CDK11A: variants seen among roughly 807,000 people sequenced by gnomAD.
CDK11A encodes the protein cyclin-dependent kinase 11A.
In CDK11A, 55 loss-of-function variants were observed where a neutral mutation model predicts 83.6. That is an observed-to-expected ratio of 0.66 (90% confidence interval 0.53 to 0.82). The LOEUF (loss-of-function observed/expected upper bound fraction) is 0.82, where lower values mean the gene tolerates loss of function less well. Among genes scored for constraint, CDK11A ranks in the 40% least tolerant of loss-of-function variants. The pLI is 0.00. For missense variants in CDK11A, 564 were observed against 810.1 expected (o/e 0.70, Z 3.69); for synonymous variants, 247 against 302.7 (o/e 0.82, Z 1.91).
chr1:1,716,305 C>T (rs756915742), intron 5 of CDK11A, 41 bp downstream of exon 5: 24 of 1,595,992 alleles, frequency 1.5e-5, no homozygotes, highest in South Asian at 8.9e-5. Context: ...CACACTACCA[C>T]GGCCCTTTCA....
rs577827165 is a variant in CDK11A, at chr1:1,719,261, A to G, written c.355+67T>C. ...TTTTCAGTGGTGCTCTGGGGAAGGCAGAAGAGTAGGAACAGGAAAGAAACC... is the reference window on the plus strand; with the variant it reads ...TTTTCAGTGGTGCTCTGGGGAAGGCGGAAGAGTAGGAACAGGAAAGAAACC... On this transcript the variant is annotated intron_variant, in intron 4 of 19. Transcript: ENST00000404249. The G allele has an allele frequency of 8.1e-6, 11 of 1,350,546 alleles. No individual in the cohort carries two copies. The African/African-American group carries it at 1.5e-4, about 18-fold the overall frequency. The allele number at this position is 1,350,546 out of a possible 1,614,324, so 83.7% of individuals were successfully genotyped here.
At chr1:1,718,146 TAG>T (rs1644749803) in intron 4 of CDK11A, among the ~76,000 whole-genome samples, 1 of 148,130 alleles carries the variant, frequency 6.8e-6, no homozygotes, top group Non-Finnish European at 1.5e-5. Context: ...TGCTTTCAGC[TAG>T]AGTTTGCTCT....
At chr1:1,721,739 T>G (rs750018859) in intron 2 of CDK11A, 28 bp from the exon 3 acceptor site, 1 of 1,526,426 alleles carries the variant, frequency 6.6e-7, no homozygotes, top group African/African-American at 1.4e-5. Flanking sequence ...AGTTAATCAT[T>G]TTCTTTATAA....
intron 11 of CDK11A, among the ~76,000 whole-genome samples, chr1:1,706,292 C>G (rs999785567): frequency 2.0e-5 from 3 of 151,126 alleles, no homozygotes; most frequent in African/African-American, 7.3e-5. Flanking sequence ...AGGCTGGTCT[C>G]GAACTCCTGA....
chr1:1,716,814 C>CAAAAAAA (rs1168780288), intron 4 of CDK11A, among the ~76,000 whole-genome samples: 35 of 76,672 alleles, frequency 4.6e-4, no homozygotes, highest in East Asian at 1.9e-3. Flanking sequence ...GACTCCATCT[C>CAAAAAAA]AAAAAAAAAA....
intron 11 of CDK11A, among the ~76,000 whole-genome samples, chr1:1,705,992 C>T (rs534851688): frequency 6.6e-6 from 1 of 150,570 alleles, no homozygotes; most frequent in African/African-American, 2.4e-5. Context: ...CCTGTAATTC[C>T]AGCACTTTGG....
intron 5 of CDK11A, among the ~76,000 whole-genome samples, chr1:1,713,719 T>C (rs796839656): frequency 1.8e-5 from 1 of 55,206 alleles, no homozygotes; most frequent in African/African-American, 3.6e-5. Flanking sequence ...AGGAGAGATA[T>C]TTACAGGATA....
rs373544201 is a variant in CDK11A, at chr1:1,717,905, A to G, written c.355+1423T>C. On this transcript the variant is annotated intron_variant, in intron 4 of 19. Transcript: ENST00000404249. ...CTAGAGTTTGCTCTCTCTGGTTTTCAGTCTGTGACACATGCATGCTTTCAG... is the reference window on the plus strand; with the variant it reads ...CTAGAGTTTGCTCTCTCTGGTTTTCGGTCTGTGACACATGCATGCTTTCAG... Among the ~76,000 whole-genome samples the G allele has an allele frequency of 2.2e-3, 281 of 127,224 alleles. 6 individuals are homozygous for G. The highest frequency in any genetic ancestry group is 7.3e-3 in the African/African-American group (243 of 33,144). 83.5% of individuals were successfully genotyped at this position (127,224 alleles called of 152,430 possible).
intron 4 of CDK11A, among the ~76,000 whole-genome samples, chr1:1,718,436 T>C (rs1187815079): frequency 2.0e-5 from 3 of 149,244 alleles, no homozygotes; most frequent in Non-Finnish European, 4.5e-5. Context: ...CCATAGCCCT[T>C]CTGAATGGTC....
chr1:1,716,529 C>A (rs1036119348), intron 4 of CDK11A, 51 bp from the exon 5 acceptor site: 3 of 1,577,126 alleles, frequency 1.9e-6, no homozygotes, highest in African/African-American at 1.4e-5. Context: ...AAAAATTTCA[C>A]GAGGCCGGGC....
At chr1:1,716,162 G>C (rs1388662850) in intron 5 of CDK11A, among the ~76,000 whole-genome samples, 184 bp downstream of exon 5, 3 of 149,856 alleles carry the variant, frequency 2.0e-5, no homozygotes, top group African/African-American at 7.3e-5. Flanking sequence ...TCCAGATGCA[G>C]TGAAAACTCA....
rs1447247448 is a variant in CDK11A at position 1,706,656 on chromosome 1, C to G, written c.1245+753G>C. Among the ~76,000 whole-genome samples, 3 of 151,506 alleles carry G rather than the reference C, an allele frequency of 2.0e-5. No individual in the cohort carries two copies. The East Asian group carries it at 5.8e-4, about 29-fold the overall frequency. ...CTACCTGCCAGGCGCAGCATGATGCCCCATGCCAGGGCACCTACCCCTCGG... is the reference window on the plus strand; with the variant it reads ...CTACCTGCCAGGCGCAGCATGATGCGCCATGCCAGGGCACCTACCCCTCGG... On this transcript the variant is annotated intron_variant, in intron 11 of 19. Transcript: ENST00000404249.
In CDK11A at chr1:1,703,905, G is replaced by A. The variant is rs1059816; in HGVS notation, c.1830C>T (p.Gly610=). 697 of 1,609,604 alleles carry A rather than the reference G, an allele frequency of 4.3e-4. 30 individuals carry two copies. The highest frequency in any genetic ancestry group is 2.2e-3 in the African/African-American group (162 of 74,650). ...GAGTCAGCAGCTCCCCGAAGATGCA[G>A]CCCACTGACCACATGTCCACGGCCG... The part of the protein sequence containing the change: ...YSTAVDMWSV[G]CIFGELLTQK... Residue 610 remains glycine (G), a synonymous_variant, in exon 17 of 20, where the codon GGC becomes GGT. Coordinates refer to ENST00000404249, the MANE Select transcript of CDK11A (RefSeq NM_024011.4).
chr1:1,716,009 C>G (rs1231753388), intron 5 of CDK11A, among the ~76,000 whole-genome samples: 1 of 150,434 alleles, frequency 6.6e-6, no homozygotes, highest in Non-Finnish European at 1.5e-5. Flanking sequence ...TTACTGCAGC[C>G]TTGACCTCCC....
At chr1:1,704,843 G>C (rs1222688578) in intron 13 of CDK11A, 61 bp downstream of exon 13, 2 of 1,607,358 alleles carry the variant, frequency 1.2e-6, no homozygotes, top group Non-Finnish European at 8.5e-7. Flanking sequence ...CCCCAGGACA[G>C]CACGGGGCCC....
chr1:1,704,413 C>G (rs903801151), intron 14 of CDK11A, 69 bp from the exon 15 acceptor site: 7 of 1,583,508 alleles, frequency 4.4e-6, no homozygotes, highest in African/African-American at 2.7e-5. Flanking sequence ...GTGGCCCGCT[C>G]GCCTCGGCAG....
Position 1,718,493 on chromosome 1 carries a change from C to T in CDK11A, c.355+835G>A, listed in dbSNP as rs371981782. Among the ~76,000 whole-genome samples, 71 of 145,284 alleles carry T rather than the reference C, an allele frequency of 4.9e-4. 3 individuals are homozygous for T. In the East Asian group the frequency reaches 0.013, roughly 27 times the overall value. ...GCTAGAGTTTGCTCTCTCTGGTTTTCGGTCTGTGATACACGCACGCTTTCA... is the reference window on the plus strand; with the variant it reads ...GCTAGAGTTTGCTCTCTCTGGTTTTTGGTCTGTGATACACGCACGCTTTCA... On this transcript the variant is annotated intron_variant, in intron 4 of 19. Transcript: ENST00000404249.
rs773744208 is a variant in CDK11A, at chr1:1,719,345, C to T, written c.338G>A (p.Ser113Asn). ...TTCTGTACCCCCTTCTGCTGAATGG[C>T]TATGATGCCTACATTTTTCTTTTCT... is the stretch of plus-strand genomic sequence containing the variant. ...EKRKEKCRHH[S>N]HSAEGGKHAR... The change falls in exon 4 of 20, where the codon AGC (serine) becomes AAC (asparagine). Residue 113 changes from serine to asparagine, a missense_variant. By Grantham distance (46) the Ser-to-Asn change is conservative. Coordinates refer to ENST00000404249, the MANE Select transcript of CDK11A (RefSeq NM_024011.4). 9.2e-6 allele frequency: 14 copies of T among 1,529,460 alleles called. 1 individual carries two copies. The South Asian group carries it at 1.8e-4, about 19-fold the overall frequency. 94.7% of individuals were successfully genotyped at this position (1,529,460 alleles called of 1,614,324 possible).
chr1:1,706,482 G>A (rs1644315532), intron 11 of CDK11A, among the ~76,000 whole-genome samples: 1 of 151,324 alleles, frequency 6.6e-6, no homozygotes, highest in Non-Finnish European at 1.5e-5. Context: ...CTGGGAGGTG[G>A]AGGCTCCAGT....
Sources: allele counts gnomAD v4.1 joint callset (sites outside exome capture counted in the v4.1 genomes callset), GRCh38; gene constraint gnomAD v4.1.1; transcripts MANE v1.5; gene names NCBI Gene and HGNC (gene_info 2026-07-23, HGNC 2026-07-21).